The following TTC7A variants were observed in gnomAD, a reference collection of about 807,000 sequenced individuals.
The protein encoded by TTC7A is tetratricopeptide repeat domain 7A, also known as tetratricopeptide repeat protein 7A.
A neutral mutation model predicts 103.7 loss-of-function variants in TTC7A; 110 were observed. The observed-to-expected ratio is 1.06, with a 90% CI of 0.91 to 1.24. The LOEUF (loss-of-function observed/expected upper bound fraction) is 1.24, where lower values mean the gene tolerates loss of function less well. Ranked by LOEUF, TTC7A falls within the 50% of genes most tolerant of loss-of-function variation. TTC7A has a pLI of 0.00. For missense variants in TTC7A, 1,340 were observed against 1,116.3 expected (o/e 1.20, Z -2.86); for synonymous variants, 521 against 467.9 (o/e 1.11, Z -1.47).
intron 5 of TTC7A, among the ~76,000 whole-genome samples, chr2:46,987,809 C>CGCGT (rs1466713336): frequency 5.4e-4 from 78 of 144,648 alleles, no homozygotes; most frequent in East Asian, 4.1e-3. Flanking sequence ...CCTTTCCGCG[C>CGCGT]GTGTGTGTGT....
chr2:46,922,518 A>G (rs1471335216), intron 2 of TTC7A, among the ~76,000 whole-genome samples: 1 of 150,546 alleles, frequency 6.6e-6, no homozygotes, highest in Admixed American at 6.6e-5. Context: ...GAGTGTAATT[A>G]TAAATGCTCA....
intron 18 of TTC7A, among the ~76,000 whole-genome samples, chr2:47,055,774 C>T (rs1573049501): frequency 6.6e-6 from 1 of 152,252 alleles, no homozygotes; most frequent in Admixed American, 6.5e-5. Context: ...TGCTCTGGCC[C>T]GCAGTTGGAG....
At chr2:46,944,036 T>TCA (rs1376918918) in intron 1 of TTC7A, among the ~76,000 whole-genome samples, 10 of 152,148 alleles carry the variant, frequency 6.6e-5, no homozygotes. Context: ...AGGTTGCTCC[T>TCA]CACCACCCAA....
Position 46,950,617 on chromosome 2 carries a change from G to A in TTC7A, c.348+91G>A, listed in dbSNP as rs1001111329. On this transcript the variant is annotated intron_variant, in intron 2 of 19. Coordinates refer to ENST00000319190, the MANE Select transcript of TTC7A (RefSeq NM_020458.4). ...TCCTCCCTGAGTCATTTGGTCACCT[G>A]AGCAACAAGTCTCTCTTACAAGCTG... The A allele has an allele frequency of 9.3e-6, 13 of 1,391,174 alleles. No individual in the cohort carries two copies. The South Asian group carries it at 1.5e-4, about 16-fold the overall frequency. The allele number at this position is 1,391,174 out of a possible 1,614,324, so 86.2% of individuals were successfully genotyped here.
chr2:47,042,229 G>A (rs952191045), intron 15 of TTC7A, among the ~76,000 whole-genome samples: 1 of 152,220 alleles, frequency 6.6e-6, no homozygotes, highest in Non-Finnish European at 1.5e-5. Flanking sequence ...AGGCCAGGCA[G>A]TGTGGCTAAT....
upstream of TTC7A, among the ~76,000 whole-genome samples, chr2:46,936,808 T>G (rs907361183): frequency 1.3e-5 from 2 of 152,110 alleles, no homozygotes; most frequent in African/African-American, 2.4e-5. Flanking sequence ...TCCAGTGGTC[T>G]TCTTTTTTTT....
intron 2 of TTC7A, among the ~76,000 whole-genome samples, chr2:46,925,769 C>G (rs72886669): frequency 0.079 from 11,956 of 152,094 alleles, 832 homozygotes; most frequent in African/African-American, 0.19. Context: ...CCATGTTAAC[C>G]CCCGTTGAAA....
intron 1 of TTC7A, among the ~76,000 whole-genome samples, chr2:46,947,240 C>G (rs1403011633): frequency 6.6e-6 from 1 of 152,082 alleles, no homozygotes; most frequent in East Asian, 1.9e-4. Context: ...TATTGCATAT[C>G]TTTATTATCA....
intron 3 of TTC7A, among the ~76,000 whole-genome samples, chr2:46,968,531 A>G (rs1465044168): frequency 1.3e-5 from 2 of 152,156 alleles, no homozygotes; most frequent in Non-Finnish European, 2.9e-5. Context: ...GGGGACAAAT[A>G]CAAGGTTCCC....
At chr2:47,031,149 AAAAG>A (rs1391782317) in intron 15 of TTC7A, among the ~76,000 whole-genome samples, 3 of 152,216 alleles carry the variant, frequency 2.0e-5, no homozygotes, top group African/African-American at 7.2e-5. Context: ...TCAGTCTCAA[AAAAG>A]AAAGAGAGAG....
intron 11 of TTC7A, among the ~76,000 whole-genome samples, chr2:47,021,148 A>C (rs1262502350): frequency 2.6e-5 from 4 of 152,208 alleles, no homozygotes; most frequent in Non-Finnish European, 5.9e-5. Context: ...CACACCAGGC[A>C]TGCCATTTCC....
At chr2:47,072,788 G>A (rs1338182538) in intron 19 of TTC7A, among the ~76,000 whole-genome samples, 1 of 131,968 alleles carries the variant, frequency 7.6e-6, no homozygotes, top group Non-Finnish European at 1.6e-5. Context: ...AGCAACCTTT[G>A]TGGGACCTGA....
chr2:46,941,489 C>G lies in TTC7A; in HGVS notation c.-53C>G. On this transcript the variant is annotated 5_prime_UTR_variant, in exon 1 of 20. Coordinates refer to ENST00000319190, the MANE Select transcript of TTC7A (RefSeq NM_020458.4). This position sits in a 1 kb window ranked among gnomAD's most constrained non-coding sequence, Gnocchi z 4.2. ...TGCGCCCCAGCCAGGACGCCGCCCC[C>G]GGCCGGGTCTCCACTTCTTGGCCGC... 3 of 1,523,574 alleles carry G rather than the reference C, an allele frequency of 2.0e-6. No individual in the cohort carries two copies. Among genetic ancestry groups the G allele is most frequent in the Non-Finnish European group, 2.6e-6 (3 of 1,133,876 alleles). 94.4% of individuals were successfully genotyped at this position (1,523,574 alleles called of 1,614,324 possible).
intron 4 of TTC7A, among the ~76,000 whole-genome samples, chr2:46,975,423 T>C (rs906658480): frequency 4.6e-5 from 7 of 151,982 alleles, no homozygotes; most frequent in Admixed American, 1.3e-4. Flanking sequence ...GGTCTTGCAG[T>C]TGGACATCCT....
intron 5 of TTC7A, among the ~76,000 whole-genome samples, chr2:46,984,495 C>T (rs934686607): frequency 1.3e-5 from 2 of 152,176 alleles, no homozygotes; most frequent in Non-Finnish European, 2.9e-5. Flanking sequence ...GGAAGGAATG[C>T]AAAACACCTG....
rs1685018227 is a variant in TTC7A at position 47,074,089 on chromosome 2, G to A, written c.*166G>A. The A allele has an allele frequency of 4.9e-6, 3 of 610,518 alleles. No individual in the cohort carries two copies. Among genetic ancestry groups the A allele is most frequent in the South Asian group, 4.0e-5 (2 of 50,368 alleles). The allele number at this position is 610,518 out of a possible 1,614,324, so 37.8% of individuals were successfully genotyped here. A position where few individuals can be genotyped will look rare whatever the true frequency, so the allele number is the denominator to read the frequency against. ...CTCGTTCTCTTGGCTGGGCCAAGAG[G>A]GCCTTCCTGGATTTCTTTGTTGGTG... is the stretch of plus-strand genomic sequence containing the variant. On this transcript the variant is annotated 3_prime_UTR_variant, in exon 20 of 20. Transcript: ENST00000319190.
intron 18 of TTC7A, among the ~76,000 whole-genome samples, chr2:47,053,139 C>G (rs1683009773): frequency 6.6e-6 from 1 of 152,064 alleles, no homozygotes; most frequent in African/African-American, 2.4e-5. Flanking sequence ...AGAAACTGTC[C>G]CAGTTAGCAT....
intron 3 of TTC7A, among the ~76,000 whole-genome samples, chr2:46,965,429 A>G (rs1421281005): frequency 6.6e-6 from 1 of 152,140 alleles, no homozygotes; most frequent in Non-Finnish European, 1.5e-5. Context: ...CCCAGGTGAG[A>G]GGCTGGCTTC....
chr2:46,981,628 C>A (rs78585333), intron 5 of TTC7A, among the ~76,000 whole-genome samples: 2 of 152,344 alleles, frequency 1.3e-5, no homozygotes, highest in East Asian at 3.9e-4. Flanking sequence ...GGTCATGAAT[C>A]TCCAGGAGGC....
Sources: gnomAD v4.1 joint callset for allele counts (sites outside exome capture counted in the v4.1 genomes callset) on GRCh38, gnomAD v4.1.1 for gene constraint, Gnocchi (gnomAD v3.1) non-coding constraint, MANE v1.5 for transcripts, NCBI Gene and HGNC (gene_info 2026-07-23, HGNC 2026-07-21) for gene names.